LCORL: variants seen among roughly 807,000 people sequenced by gnomAD.
LCORL encodes the protein ligand dependent nuclear receptor corepressor like, also known as ligand-dependent nuclear receptor corepressor-like protein.
A neutral mutation model predicts 141.8 loss-of-function variants in LCORL; 41 were observed. The ratio of observed to expected loss-of-function variants is 0.29; its 90% confidence interval spans 0.23 to 0.38. LCORL has a LOEUF of 0.38. Ranked by LOEUF, LCORL falls within the 10% of genes least tolerant of loss-of-function variation. The pLI is 1.00. For missense variants in LCORL, 1,759 were observed against 2,035.0 expected, an observed-to-expected ratio of 0.86 and a Z score of 2.61; for synonymous variants, 618 against 694.1, an observed-to-expected ratio of 0.89 and a Z score of 1.72.
chr4:17,939,876 A>G (rs944763428), intron 4 of LCORL, among the ~76,000 whole-genome samples: 1 of 147,378 alleles, frequency 6.8e-6, no homozygotes, highest in African/African-American at 2.6e-5. Flanking sequence ...GAATAGGTAC[A>G]TGTACACACA....
exon 7 of LCORL, chr4:17,875,740 T>C (rs1287625826): frequency 1.6e-6 from 2 of 1,217,696 alleles, no homozygotes; most frequent in African/African-American, 1.6e-5. Context: ...TGGGGACCTA[T>C]TTTTTTTGGT....
chr4:17,853,781 A>G (rs773815927), intron 7 of LCORL, among the ~76,000 whole-genome samples: 2 of 152,116 alleles, frequency 1.3e-5, no homozygotes, highest in African/African-American at 2.4e-5. Flanking sequence ...ATCTATCCAA[A>G]TATCACGATA....
intron 1 of LCORL, among the ~76,000 whole-genome samples, chr4:18,017,441 A>G (rs1402939811): frequency 1.3e-5 from 2 of 152,156 alleles, no homozygotes; most frequent in African/African-American, 2.4e-5. Flanking sequence ...CAGCTTAACA[A>G]AATTTTCAAA....
At chr4:17,878,485 C>A (rs1727148768) in intron 6 of LCORL, among the ~76,000 whole-genome samples, 1 of 151,256 alleles carries the variant, frequency 6.6e-6, no homozygotes, top group Non-Finnish European at 1.5e-5. Flanking sequence ...TATATATTGT[C>A]TGTTTTTAAT....
At chr4:17,853,788 G>A (rs1724041163) in intron 7 of LCORL, among the ~76,000 whole-genome samples, 3 of 152,112 alleles carry the variant, frequency 2.0e-5, no homozygotes, top group Admixed American at 6.5e-5. Flanking sequence ...CAAATATCAC[G>A]ATAGGTTTGT....
chr4:17,848,696 T>A (rs780974214), intron 7 of LCORL, among the ~76,000 whole-genome samples: 1 of 152,156 alleles, frequency 6.6e-6, no homozygotes, highest in Admixed American at 6.5e-5. Flanking sequence ...GCGGGTGCAG[T>A]GCACCGTGTG....
intron 4 of LCORL, among the ~76,000 whole-genome samples, chr4:17,955,315 G>A (rs995149221): frequency 3.9e-5 from 6 of 152,178 alleles, no homozygotes; most frequent in African/African-American, 1.4e-4. Context: ...CAGTGAAATT[G>A]ATAAAACAAT....
exon 8 of LCORL, chr4:17,844,666 G>C (rs1409881303): frequency 1.3e-5 from 2 of 151,590 alleles, no homozygotes; most frequent in Non-Finnish European, 2.9e-5. Context: ...TTGTTTTAAA[G>C]ACAATTTGCA....
intron 4 of LCORL, among the ~76,000 whole-genome samples, chr4:17,934,705 C>T (rs1480049718): frequency 6.6e-6 from 1 of 152,132 alleles, no homozygotes; most frequent in African/African-American, 2.4e-5. Context: ...TATGGAGCAA[C>T]AGTAATTCTA....
intron 4 of LCORL, among the ~76,000 whole-genome samples, chr4:17,914,738 A>G (rs1733123695): frequency 6.6e-6 from 1 of 152,234 alleles, no homozygotes; most frequent in Admixed American, 6.5e-5. Context: ...TGCCTAGAAG[A>G]ATGTTGCCAC....
chr4:17,898,352 T>C (rs951506133), intron 5 of LCORL, among the ~76,000 whole-genome samples: 3 of 152,216 alleles, frequency 2.0e-5, no homozygotes, highest in African/African-American at 7.2e-5. Flanking sequence ...TTATTTGTTA[T>C]ATTCTACTTC....
At chr4:17,968,364 C>T (rs1560418760) in intron 2 of LCORL, among the ~76,000 whole-genome samples, 2 of 152,134 alleles carry the variant, frequency 1.3e-5, no homozygotes, top group South Asian at 2.1e-4. Flanking sequence ...TAGAAAACTA[C>T]CAACTTCTGA....
At chr4:17,912,125 A>T (rs1028036866) in intron 4 of LCORL, 8 of 906,552 alleles carry the variant, frequency 8.8e-6, no homozygotes, top group African/African-American at 1.6e-5. Flanking sequence ...ATTTTCGCAA[A>T]TACTGTGGAC....
At chr4:17,909,832 A>G (rs1476499323) in intron 4 of LCORL, among the ~76,000 whole-genome samples, 1 of 152,126 alleles carries the variant, frequency 6.6e-6, no homozygotes, top group Non-Finnish European at 1.5e-5. Context: ...ATATAACCTG[A>G]ATTTCATCAT....
chr4:17,951,580 T>C (rs1334305671), intron 4 of LCORL, among the ~76,000 whole-genome samples: 1 of 152,208 alleles, frequency 6.6e-6, no homozygotes, highest in Non-Finnish European at 1.5e-5. Context: ...GTAATCACCA[T>C]CTCCATGCTT....
At chr4:17,904,213 A>G (rs2109308336) in intron 5 of LCORL, among the ~76,000 whole-genome samples, 1 of 152,158 alleles carries the variant, frequency 6.6e-6, no homozygotes, top group South Asian at 2.1e-4. Context: ...GCTAGGCAAG[A>G]TATTCTTATA....
chr4:17,993,090 C>A (rs889049849), intron 1 of LCORL, among the ~76,000 whole-genome samples: 1 of 152,072 alleles, frequency 6.6e-6, no homozygotes, highest in Non-Finnish European at 1.5e-5. Flanking sequence ...GACACAGGGA[C>A]AAGAAAACTT....
exon 7 of LCORL, chr4:17,876,485 C>G (rs1726936600): frequency 2.4e-6 from 3 of 1,230,810 alleles, no homozygotes; most frequent in Non-Finnish European, 2.0e-6. Context: ...GCTTCACAAC[C>G]ACTTGTAAAT....
Position 17,961,908 on chromosome 4 carries a change from T to C in LCORL, c.425A>G (p.Lys142Arg), listed in dbSNP as rs776487602. The change falls in exon 4 of 8, where the codon AAG becomes AGG. Residue 142 changes from lysine to arginine, a missense_variant. Lys to Arg is a conservative substitution (Grantham distance 26). Around this residue, in one of 5 missense-constraint regions of LCORL, gnomAD observed 1,311 missense variants for 1,531.3 expected, o/e 0.86. Transcript: ENST00000635767. Reference sequence around the variant, plus strand: ...ACAAAGCATACCAATATTACCTTTCTTTCGAAAGAGTGCATTTAGGTAATT... The same window carrying C: ...ACAAAGCATACCAATATTACCTTTCCTTCGAAAGAGTGCATTTAGGTAATT... 6 of 1,607,622 alleles carry C rather than the reference T, an allele frequency of 3.7e-6. No individual in the cohort carries two copies. In the Admixed American group the frequency reaches 6.8e-5, roughly 18 times the overall value.
Sources: allele counts gnomAD v4.1 joint callset (sites outside exome capture counted in the v4.1 genomes callset), GRCh38; gene constraint gnomAD v4.1.1; regional missense constraint gnomAD v4.1.1; transcripts MANE v1.5; gene names NCBI Gene and HGNC (gene_info 2026-07-23, HGNC 2026-07-21).